The following PPP4R2 variants were observed in gnomAD, a reference collection of about 807,000 sequenced individuals.
PPP4R2 encodes serine/threonine-protein phosphatase 4 regulatory subunit 2.
Under a neutral mutation model 47.2 loss-of-function variants are expected in PPP4R2, and 13 were observed. The observed-to-expected ratio is 0.28, with a 90% CI of 0.18 to 0.44. The LOEUF (loss-of-function observed/expected upper bound fraction) is 0.44. Among genes scored for constraint, PPP4R2 ranks in the 20% least tolerant of loss-of-function variants. The probability of loss-of-function intolerance (pLI) is 1.00; values close to 1 mark genes in which losing one functional copy is unlikely to be tolerated. For missense variants in PPP4R2, 421 were observed against 491.2 expected (o/e 0.86, Z 1.35); for synonymous variants, 151 against 163.3 (o/e 0.92, Z 0.57).
At chr3:73,012,087 T>C (rs1339981332) in intron 2 of PPP4R2, among the ~76,000 whole-genome samples, 3 of 152,198 alleles carry the variant, frequency 2.0e-5, no homozygotes, top group Admixed American at 2.0e-4. Flanking sequence ...TTCCAGGACC[T>C]CCTTTGGACA....
chr3:73,006,946 G>GC (rs397950120), intron 2 of PPP4R2, among the ~76,000 whole-genome samples: 1 of 34,664 alleles, frequency 2.9e-5, no homozygotes, highest in Non-Finnish European at 6.1e-5. Flanking sequence ...TCCACTTTTT[G>GC]AGTCTGTGGG....
At chr3:73,011,502 T>G (rs1701724163) in intron 2 of PPP4R2, among the ~76,000 whole-genome samples, 2 of 151,930 alleles carry the variant, frequency 1.3e-5, no homozygotes, top group African/African-American at 4.8e-5. Context: ...AATTTGGAGC[T>G]TTTTGCTTTT....
intron 2 of PPP4R2, among the ~76,000 whole-genome samples, chr3:73,035,584 A>G (rs575919826): frequency 1.3e-5 from 2 of 152,288 alleles, no homozygotes; most frequent in South Asian, 2.1e-4. Context: ...TAAATGTCCA[A>G]AAGAAAAGAA....
At chr3:73,048,444 TG>T (rs1431613829) in intron 3 of PPP4R2, among the ~76,000 whole-genome samples, 1 of 151,178 alleles carries the variant, frequency 6.6e-6, no homozygotes, top group Non-Finnish European at 1.5e-5. Flanking sequence ...TTAATAGAGA[TG>T]GGGTTTCACC....
intron 2 of PPP4R2, among the ~76,000 whole-genome samples, chr3:73,007,914 G>GT: frequency 7.1e-6 from 1 of 140,016 alleles, no homozygotes; most frequent in African/African-American, 2.7e-5. Flanking sequence ...CCACATTCTT[G>GT]TAACATCTGT....
At chr3:73,031,116 A>C (rs907490143) in intron 2 of PPP4R2, among the ~76,000 whole-genome samples, 71 of 152,174 alleles carry the variant, frequency 4.7e-4, no homozygotes, top group Non-Finnish European at 3.5e-4. Flanking sequence ...GTGGAGTCAA[A>C]ATTTTTGGAG....
chr3:73,009,149 A>G (rs1170260632), intron 2 of PPP4R2, among the ~76,000 whole-genome samples: 2 of 152,168 alleles, frequency 1.3e-5, no homozygotes, highest in East Asian at 1.9e-4. Flanking sequence ...CTTGTAATAG[A>G]TGATCTCCAA....
chr3:73,016,732 T>TCTTTC (rs1559551144), intron 2 of PPP4R2, among the ~76,000 whole-genome samples: 3 of 120,920 alleles, frequency 2.5e-5, no homozygotes, highest in Non-Finnish European at 5.3e-5. Flanking sequence ...GTTCATTGTT[T>TCTTTC]ATTTTTATTA....
At chr3:73,011,698 G>A (rs1701727955) in intron 2 of PPP4R2, among the ~76,000 whole-genome samples, 2 of 151,846 alleles carry the variant, frequency 1.3e-5, no homozygotes, top group Non-Finnish European at 2.9e-5. Flanking sequence ...GTCACCTCAA[G>A]GAAAAAAACT....
At chr3:73,056,995 T>G (rs1271053749) in intron 3 of PPP4R2, among the ~76,000 whole-genome samples, 1 of 152,144 alleles carries the variant, frequency 6.6e-6, no homozygotes, top group Non-Finnish European at 1.5e-5. Flanking sequence ...AAACTGTTGG[T>G]GCTATTTTGT....
intron 2 of PPP4R2, among the ~76,000 whole-genome samples, chr3:73,023,181 C>CT (rs10714217): frequency 1.0e-4 from 15 of 150,126 alleles, no homozygotes; most frequent in Non-Finnish European, 2.1e-4. Context: ...TTTTCTTTTC[C>CT]TTTTTTTTGT....
At position 73,047,252 on chromosome 3, in the gene PPP4R2, A is replaced by G; in HGVS notation, c.183A>G (p.Arg61=). Residue 61 remains arginine (R), a synonymous_variant, in exon 3 of 9, where the codon AGA becomes AGG. Coordinates refer to ENST00000356692, the MANE Select transcript of PPP4R2 (RefSeq NM_174907.4). Reference sequence around the variant, plus strand: ...TGGAGAAAGTGATGGATGATTTCAGAACTTCAGCTCCTGAGCCAAGAGGTC... The same window carrying G: ...TGGAGAAAGTGATGGATGATTTCAGGACTTCAGCTCCTGAGCCAAGAGGTC... ...FKLEKVMDDF[R]TSAPEPRGPP... is the part of the protein sequence containing the mutation. 6.2e-7 allele frequency: 1 copy of G among 1,606,056 alleles called. No individual in the cohort carries two copies. The highest frequency in any genetic ancestry group is 1.3e-5 in the African/African-American group (1 of 74,802).
intron 2 of PPP4R2, among the ~76,000 whole-genome samples, chr3:73,045,932 C>T (rs774640828): frequency 6.6e-6 from 1 of 152,154 alleles, no homozygotes; most frequent in Non-Finnish European, 1.5e-5. Flanking sequence ...GAATCTCATA[C>T]CTCTTTGATA....
At chr3:73,039,676 G>A (rs1421242680) in intron 2 of PPP4R2, among the ~76,000 whole-genome samples, 1 of 152,168 alleles carries the variant, frequency 6.6e-6, no homozygotes, top group Admixed American at 6.5e-5. Context: ...CAGGTTTCTA[G>A]TGGGTAGAGG....
chr3:73,064,169 AAC>A (rs1702934568), intron 7 of PPP4R2, 23 bp downstream of exon 7: 6 of 1,582,792 alleles, frequency 3.8e-6, no homozygotes, highest in Non-Finnish European at 3.4e-6. Flanking sequence ...TATATTTAAA[AAC>A]AGTGTTTTTA....
intron 2 of PPP4R2, among the ~76,000 whole-genome samples, chr3:73,002,634 C>CTTTTCTTTT (rs1205542107): frequency 7.3e-5 from 3 of 41,158 alleles, no homozygotes; most frequent in African/African-American, 1.2e-4. Context: ...CTTTTCTTTT[C>CTTTTCTTTT]TTTTTTTTTT....
Position 73,004,499 on chromosome 3 carries a change from C to T in PPP4R2, c.116+6341C>T, listed in dbSNP as rs530183792. Among the ~76,000 whole-genome samples, 20 of 152,178 alleles carry T rather than the reference C, an allele frequency of 1.3e-4. No homozygotes were observed. The South Asian group carries it at 1.9e-3, about 14-fold the overall frequency. On this transcript the variant is annotated intron_variant, in intron 2 of 8. Transcript: ENST00000356692. ...GAGACAGAGTCTTGCTCTTTTGCCC[C>T]GGTTGGAGTGCAGTGATGCAATCTT...
intron 3 of PPP4R2, among the ~76,000 whole-genome samples, chr3:73,050,295 A>G (rs1299577127): frequency 6.6e-6 from 1 of 152,062 alleles, no homozygotes; most frequent in East Asian, 1.9e-4. Flanking sequence ...TTGATTTTTC[A>G]GTTTATGAAT....
intron 2 of PPP4R2, among the ~76,000 whole-genome samples, chr3:73,028,629 C>T (rs1012511955): frequency 9.2e-5 from 14 of 151,994 alleles, no homozygotes; most frequent in African/African-American, 2.9e-4. Flanking sequence ...TTGGTAGAGA[C>T]GGAGTTTCAC....
Sources: allele counts gnomAD v4.1 joint callset (sites outside exome capture counted in the v4.1 genomes callset), GRCh38; gene constraint gnomAD v4.1.1; transcripts MANE v1.5; gene names NCBI Gene and HGNC (gene_info 2026-07-23, HGNC 2026-07-21).